DNAH3: variants seen among roughly 807,000 people sequenced by gnomAD.
DNAH3 encodes the protein axonemal beta dynein heavy chain 3.
A neutral mutation model predicts 432.5 loss-of-function variants in DNAH3; 332 were observed. The ratio of observed to expected loss-of-function variants is 0.77; its 90% CI spans 0.70 to 0.84. The LOEUF (loss-of-function observed/expected upper bound fraction) is 0.84. Among genes scored for constraint, DNAH3 ranks in the 40% least tolerant of loss-of-function variants. The probability of loss-of-function intolerance (pLI) is 0.00; values close to 1 mark genes in which losing one functional copy is unlikely to be tolerated. For synonymous variants in DNAH3, 1,956 were observed against 1,900.2 expected, an observed-to-expected ratio of 1.03 and a Z score of -0.76; for missense variants, 4,861 against 5,114.0, an observed-to-expected ratio of 0.95 and a Z score of 1.51.
At chr16:21,075,787 G>A (rs2090952786) in intron 20 of DNAH3, among the ~76,000 whole-genome samples, 1 of 151,786 alleles carries the variant, frequency 6.6e-6, no homozygotes. Context: ...GTGTATGCCT[G>A]TAGTTCTAGC....
At chr16:20,988,121 T>C in intron 44 of DNAH3, 56 bp from the exon 45 acceptor site, 1 of 1,602,732 alleles carries the variant, frequency 6.2e-7, no homozygotes, top group Non-Finnish European at 8.5e-7. Flanking sequence ...TCTCACACTG[T>C]CTGTGACCCT....
chr16:21,068,282 C>T (rs1236924595), intron 23 of DNAH3, among the ~76,000 whole-genome samples: 1 of 135,404 alleles, frequency 7.4e-6, no homozygotes, highest in African/African-American at 2.8e-5. Flanking sequence ...CTAAATCACT[C>T]TTCTGCATTC....
chr16:21,002,996 A>G (rs1013383954), intron 42 of DNAH3, 108 bp downstream of exon 42: 2 of 764,066 alleles, frequency 2.6e-6, no homozygotes, highest in African/African-American at 1.8e-5. Flanking sequence ...ATATTTTTCT[A>G]AAGAAAGCCC....
intron 21 of DNAH3, among the ~76,000 whole-genome samples, chr16:21,074,201 G>A (rs1237399494): frequency 6.6e-6 from 1 of 152,020 alleles, no homozygotes; most frequent in African/African-American, 2.4e-5. Flanking sequence ...AACTGAATAG[G>A]GAAAGAAGTC....
intron 28 of DNAH3, 145 bp downstream of exon 28, chr16:21,054,275 G>A: frequency 1.6e-6 from 1 of 636,598 alleles, no homozygotes. Flanking sequence ...GAGCCCTTTG[G>A]CTCTCATCTT....
chr16:21,051,730 T>C, exon 29 of DNAH3: 1 of 1,613,994 alleles, frequency 6.2e-7, no homozygotes, highest in South Asian at 1.1e-5. Context: ...CAGGTACTCA[T>C]AGCCATACAA....
At chr16:20,934,530 A>C (rs547446519) in intron 61 of DNAH3, among the ~76,000 whole-genome samples, 6 of 152,326 alleles carry the variant, frequency 3.9e-5, no homozygotes, top group African/African-American at 1.4e-4. Flanking sequence ...TGAGTATCTT[A>C]TGTAATTTAT....
At chr16:21,017,767 C>T (rs373660060) in intron 41 of DNAH3, among the ~76,000 whole-genome samples, 1 of 152,134 alleles carries the variant, frequency 6.6e-6, no homozygotes, top group Non-Finnish European at 1.5e-5. Context: ...ATGAAGTGTG[C>T]AAGCTGTGCA....
At chr16:21,049,744 G>T in intron 30 of DNAH3, 62 bp from the exon 31 acceptor site, 1 of 1,498,478 alleles carries the variant, frequency 6.7e-7, no homozygotes, top group Non-Finnish European at 9.3e-7. Flanking sequence ...GAATTACCCC[G>T]CACCATTCAA....
intron 48 of DNAH3, among the ~76,000 whole-genome samples, chr16:20,984,686 A>G (rs1880730812): frequency 6.6e-6 from 1 of 152,130 alleles, no homozygotes; most frequent in South Asian, 2.1e-4. Flanking sequence ...CCTGGCCAAC[A>G]TGGTGAAACC....
At chr16:21,027,837 C>G (rs1323737171) in intron 37 of DNAH3, among the ~76,000 whole-genome samples, 10 of 152,192 alleles carry the variant, frequency 6.6e-5, no homozygotes. Context: ...TTTCCTGGTC[C>G]CTTTCTCAAT....
chr16:21,130,321 T>C (rs1156908275), intron 7 of DNAH3, among the ~76,000 whole-genome samples: 3 of 137,772 alleles, frequency 2.2e-5, no homozygotes, highest in Admixed American at 7.4e-5. Flanking sequence ...TTTTTTTTTT[T>C]CTTGAGACAG....
chr16:21,069,437 C>T lies in DNAH3; in HGVS notation c.3359G>A (p.Trp1120Ter), dbSNP rs748363592. The T allele has an allele frequency of 6.2e-7, 1 of 1,613,990 alleles. No individual in the cohort carries two copies. Among genetic ancestry groups the T allele is most frequent in the Non-Finnish European group, 8.5e-7 (1 of 1,179,974 alleles). Residue 1120 changes from tryptophan (W) to a stop codon, truncating the protein, a stop_gained, in exon 23 of 62, where the codon TGG becomes TAG. Coordinates refer to ENST00000261383, the Ensembl canonical transcript of DNAH3. LOFTEE classifies it high-confidence loss of function. ...TACCGCTTGGGACATAAGTGATTTC[C>T]AGTAACTATCAACAATGCCAAATTT...
chr16:20,955,974 G>T (rs2084545685), intron 54 of DNAH3, among the ~76,000 whole-genome samples: 2 of 151,412 alleles, frequency 1.3e-5, no homozygotes, highest in Admixed American at 1.3e-4. Flanking sequence ...TGTCACCCAG[G>T]CTGCAGTACA....
chr16:21,158,321 A>G (rs148181186), intron 1 of DNAH3: 14 of 152,398 alleles, frequency 9.2e-5, no homozygotes, highest in African/African-American at 3.1e-4. Flanking sequence ...TTTTAGGCAT[A>G]CAGGAGGGGA....
chr16:21,136,742 G>A (rs529232958), intron 5 of DNAH3, among the ~76,000 whole-genome samples: 103 of 152,256 alleles, frequency 6.8e-4, no homozygotes, highest in Non-Finnish European at 1.2e-3. Flanking sequence ...AGATGTCAGT[G>A]GGGTATAAGG....
At chr16:20,955,104 T>G (rs150522099) in intron 54 of DNAH3, 47 bp from the exon 55 acceptor site, 3 of 1,510,924 alleles carry the variant, frequency 2.0e-6, no homozygotes, top group Non-Finnish European at 2.7e-6. Context: ...CAATAAGTTA[T>G]AGTGAAAAGC....
chr16:20,984,352 C>T (rs2086081094), intron 48 of DNAH3, among the ~76,000 whole-genome samples: 1 of 151,988 alleles, frequency 6.6e-6, no homozygotes, highest in South Asian at 2.1e-4. Flanking sequence ...AAAAGGATGG[C>T]AGCTTAGCCA....
chr16:21,096,104 T>C (rs909020557), intron 18 of DNAH3, among the ~76,000 whole-genome samples: 1 of 151,622 alleles, frequency 6.6e-6, no homozygotes, highest in South Asian at 2.1e-4. Context: ...CACTAGAAAC[T>C]TGCTAAAGGC....
Sources: allele counts gnomAD v4.1 joint callset (sites outside exome capture counted in the v4.1 genomes callset), GRCh38; gene constraint gnomAD v4.1.1; transcripts MANE v1.5; gene names NCBI Gene and HGNC (gene_info 2026-07-23, HGNC 2026-07-21).